GLYATL1: variants seen among roughly 807,000 people sequenced by gnomAD.
GLYATL1 encodes the protein glycine-N-acyltransferase like 1, also known as glycine N-acyltransferase-like protein 1.
In GLYATL1, 15 loss-of-function variants were observed where a neutral mutation model predicts 20.0. That is an observed-to-expected ratio of 0.75 (90% CI 0.50 to 1.15). The LOEUF (loss-of-function observed/expected upper bound fraction) is 1.15. GLYATL1 is among the 50% of genes most tolerant of loss of function. GLYATL1 has a pLI of 0.00. For missense variants in GLYATL1, 380 were observed against 368.5 expected (o/e 1.03, Z -0.26); for synonymous variants, 151 against 131.5 (o/e 1.15, Z -1.01).
chr11:58,930,956 G>T (rs1360559473), intron 1 of GLYATL1, among the ~76,000 whole-genome samples: 2 of 152,160 alleles, frequency 1.3e-5, no homozygotes, highest in Non-Finnish European at 2.9e-5. Flanking sequence ...TTAAGAGATG[G>T]GTCTTTGTTG....
chr11:58,937,572 T>G (rs748027062), upstream of GLYATL1, among the ~76,000 whole-genome samples: 4 of 152,188 alleles, frequency 2.6e-5, no homozygotes, highest in Admixed American at 6.5e-5. Context: ...TTGAATTTAT[T>G]ATGACTTAGA....
At chr11:58,950,094 C>G (rs1327282304) in intron 4 of GLYATL1, among the ~76,000 whole-genome samples, 1 of 115,924 alleles carries the variant, frequency 8.6e-6, no homozygotes, top group African/African-American at 3.4e-5. Context: ...ACGGTGAAAC[C>G]CTGTCTCTAC....
exon 1 of GLYATL1, chr11:58,905,579 C>T (rs1238264542): frequency 2.2e-6 from 1 of 456,348 alleles, no homozygotes; most frequent in South Asian, 1.5e-5. Context: ...GGCTGCCGCG[C>T]AACCCCTCCT....
intron 4 of GLYATL1, among the ~76,000 whole-genome samples, chr11:58,949,020 C>T (rs1285005297): frequency 1.3e-5 from 2 of 152,172 alleles, no homozygotes; most frequent in Non-Finnish European, 1.5e-5. Flanking sequence ...ATGTTAAACA[C>T]TTAGTACATA....
chr11:58,947,162 GAAGGTC>G lies in GLYATL1; in HGVS notation c.77_78+4del. ...TGGCCAGGAGCATCCCTGAGTCCCTGAAGGTCAGGGAACAGTGGGAGGTCAGGGTAT... is the reference window on the plus strand; with the variant it reads ...TGGCCAGGAGCATCCCTGAGTCCCTGAGGGAACAGTGGGAGGTCAGGGTAT... On this transcript the variant is annotated splice_donor_variant and splice_donor_region_variant and coding_sequence_variant and intron_variant, in exon 3 of 7. Coordinates refer to ENST00000532726, the MANE Select transcript of GLYATL1 (RefSeq NM_001389712.2). LOFTEE classifies it high-confidence loss of function. 1 of 1,613,850 alleles carries G rather than the reference GAAGGTC, an allele frequency of 6.2e-7. No homozygotes were observed. The highest frequency in any genetic ancestry group is 8.5e-7 in the Non-Finnish European group (1 of 1,179,922).
At chr11:58,925,156 G>A (rs1429463325), upstream of GLYATL1, among the ~76,000 whole-genome samples, 1 of 152,118 alleles carries the variant, frequency 6.6e-6, no homozygotes. Flanking sequence ...TCTAGGGGTG[G>A]TACCTGTGCT....
chr11:58,937,296 C>T (rs1482992190), upstream of GLYATL1, among the ~76,000 whole-genome samples: 1 of 152,214 alleles, frequency 6.6e-6, no homozygotes, highest in African/African-American at 2.4e-5. Context: ...AGTTAGGATG[C>T]TCCTTTGGAC....
intron 4 of GLYATL1, among the ~76,000 whole-genome samples, chr11:58,949,855 T>G (rs1264140254): frequency 6.6e-6 from 1 of 151,928 alleles, no homozygotes; most frequent in African/African-American, 2.4e-5. Context: ...AAAAATTAAT[T>G]TTTTCATTGT....
chr11:58,912,687 GT>G (rs1291656724), downstream of GLYATL1, among the ~76,000 whole-genome samples: 3 of 152,166 alleles, frequency 2.0e-5, no homozygotes, highest in Non-Finnish European at 2.9e-5. Context: ...GGAGGGAAAT[GT>G]TTTCCAATTT....
chr11:58,914,295 C>T (rs534084846), intron 1 of GLYATL1, among the ~76,000 whole-genome samples: 1 of 152,286 alleles, frequency 6.6e-6, no homozygotes, highest in South Asian at 2.1e-4. Flanking sequence ...GTGTTACCAG[C>T]CACAAGTTTT....
intron 1 of GLYATL1, among the ~76,000 whole-genome samples, chr11:58,907,041 A>G (rs564686218): frequency 1.3e-5 from 2 of 152,294 alleles, no homozygotes; most frequent in South Asian, 4.1e-4. Context: ...CTTAATTTAG[A>G]AATGAGGAAA....
At chr11:58,954,960 A>T in intron 5 of GLYATL1, 64 bp downstream of exon 5, 1 of 1,512,374 alleles carries the variant, frequency 6.6e-7, no homozygotes, top group Non-Finnish European at 9.0e-7. Flanking sequence ...AACTAACAGC[A>T]TTAGCATCAC....
At position 58,953,728 on chromosome 11, in the gene GLYATL1, A is replaced by T. The variant is rs77005762; in HGVS notation, c.187-1042A>T. On this transcript the variant is annotated intron_variant, in intron 4 of 6. Transcript: ENST00000532726. ...ATTCACTGACGTTTTGGGTTTGACCATATTCAGGAACTTGCATTTATAAAA... is the reference window on the plus strand; with the variant it reads ...ATTCACTGACGTTTTGGGTTTGACCTTATTCAGGAACTTGCATTTATAAAA... Among the ~76,000 whole-genome samples the T allele has an allele frequency of 5.2e-3, 790 of 152,284 alleles. 5 individuals are homozygous for T. The highest frequency in any genetic ancestry group is 6.8e-3 in the Non-Finnish European group (463 of 68,028).
intron 1 of GLYATL1, among the ~76,000 whole-genome samples, chr11:58,918,644 A>C (rs1041780098): frequency 6.6e-6 from 1 of 152,220 alleles, no homozygotes; most frequent in Non-Finnish European, 1.5e-5. Flanking sequence ...GGGTTGGCCA[A>C]AGCAACAGAA....
At chr11:58,919,047 G>A (rs969187890) in intron 1 of GLYATL1, among the ~76,000 whole-genome samples, 1 of 152,208 alleles carries the variant, frequency 6.6e-6, no homozygotes, top group Non-Finnish European at 1.5e-5. Context: ...TCCCATATGG[G>A]TCCTAATGTG....
chr11:58,905,723 G>A (rs1274571346), intron 1 of GLYATL1: 11 of 218,878 alleles, frequency 5.0e-5, no homozygotes, highest in Admixed American at 4.6e-4. Context: ...GACCGGGATG[G>A]GTCATCTGGA....
chr11:58,918,637 T>G (rs1855236245), intron 1 of GLYATL1, among the ~76,000 whole-genome samples: 1 of 151,868 alleles, frequency 6.6e-6, no homozygotes, highest in Non-Finnish European at 1.5e-5. Flanking sequence ...GGGGAGGGGG[T>G]TGGCCAAAGC....
At chr11:58,920,951 G>A (rs891332948) in intron 1 of GLYATL1, among the ~76,000 whole-genome samples, 2 of 152,178 alleles carry the variant, frequency 1.3e-5, no homozygotes, top group Non-Finnish European at 2.9e-5. Context: ...CCTATGACTT[G>A]AGTCAGGACT....
chr11:58,955,439 G>C (rs1486965074), intron 6 of GLYATL1, 86 bp downstream of exon 6: 4 of 1,391,658 alleles, frequency 2.9e-6, no homozygotes, highest in East Asian at 2.3e-5. Context: ...AATGAAGAGA[G>C]GATGAATTCA....
Sources: gnomAD v4.1 joint callset for allele counts (sites outside exome capture counted in the v4.1 genomes callset) on GRCh38, gnomAD v4.1.1 for gene constraint, MANE v1.5 for transcripts, NCBI Gene and HGNC (gene_info 2026-07-23, HGNC 2026-07-21) for gene names.